Variants in WDR47 observed in about 807,000 individuals in gnomAD.
WDR47 encodes the protein WD repeat domain 47.
WDR47 carries 32 observed loss-of-function variants against 97.2 expected under a neutral mutation model. The ratio of observed to expected loss-of-function variants is 0.33; its 90% CI spans 0.25 to 0.44. WDR47 has a LOEUF of 0.44. Ranked by LOEUF, WDR47 falls within the 20% of genes least tolerant of loss-of-function variation. The probability of loss-of-function intolerance (pLI) is 1.00; values close to 1 mark genes in which losing one functional copy is unlikely to be tolerated. For synonymous variants in WDR47, 375 were observed against 373.5 expected, an observed-to-expected ratio of 1.00 and a Z score of -0.05; for missense variants, 782 against 1,102.3, an observed-to-expected ratio of 0.71 and a Z score of 4.11.
intron 13 of WDR47, among the ~76,000 whole-genome samples, chr1:108,981,107 G>A (rs576141375): frequency 6.7e-6 from 1 of 149,402 alleles, no homozygotes; most frequent in Non-Finnish European, 1.5e-5. Context: ...CAGCCTGGGC[G>A]ACAGTGTGAG....
chr1:108,989,438 C>T (rs1392123590), intron 9 of WDR47, among the ~76,000 whole-genome samples: 1 of 152,204 alleles, frequency 6.6e-6, no homozygotes, highest in Non-Finnish European at 1.5e-5. Flanking sequence ...TGATGTGTTA[C>T]GCTATGTATG....
chr1:108,979,241 AACAAAC>A (rs1658157300), intron 13 of WDR47, among the ~76,000 whole-genome samples: 1 of 152,254 alleles, frequency 6.6e-6, no homozygotes, highest in Admixed American at 6.5e-5. Flanking sequence ...TAAACAAACA[AACAAAC>A]ACAATTATTA....
chr1:109,022,607 C>T (rs1276624922), intron 2 of WDR47, among the ~76,000 whole-genome samples: 2 of 151,938 alleles, frequency 1.3e-5, no homozygotes, highest in Non-Finnish European at 1.5e-5. Context: ...ATTTTTGAGA[C>T]GGAGTCTCAC....
At chr1:109,020,866 T>A (rs1661785732) in intron 2 of WDR47, among the ~76,000 whole-genome samples, 1 of 149,532 alleles carries the variant, frequency 6.7e-6, no homozygotes, top group East Asian at 2.0e-4. Flanking sequence ...TGGTTCCTTT[T>A]CATAAGCTAG....
At chr1:109,014,964 C>T (rs1173558612) in intron 3 of WDR47, among the ~76,000 whole-genome samples, 2 of 151,974 alleles carry the variant, frequency 1.3e-5, no homozygotes, top group Non-Finnish European at 2.9e-5. Context: ...AGAGGGTCAC[C>T]TAATAAATTA....
Position 108,971,425 on chromosome 1 carries a change from G to A in WDR47, c.*5C>T. 6.2e-7 allele frequency: 1 copy of A among 1,613,998 alleles called. No individual in the cohort carries two copies. The highest frequency in any genetic ancestry group is 8.5e-7 in the Non-Finnish European group (1 of 1,179,948). On this transcript the variant is annotated 3_prime_UTR_variant, in exon 15 of 15. Transcript: ENST00000369962. Reference sequence around the variant, plus strand: ...TTTGCTGCATAGACTGACATGCGGTGTGCTCTACCCATTGTAAGTCCAGAG... The same window carrying A: ...TTTGCTGCATAGACTGACATGCGGTATGCTCTACCCATTGTAAGTCCAGAG...
chr1:109,015,209 C>G (rs1661329340), intron 3 of WDR47, among the ~76,000 whole-genome samples: 2 of 151,018 alleles, frequency 1.3e-5, no homozygotes, highest in South Asian at 2.1e-4. Context: ...AAAATAACAA[C>G]AGGTTCAACT....
chr1:109,040,455 G>A (rs1281284561), intron 1 of WDR47, among the ~76,000 whole-genome samples: 4 of 151,342 alleles, frequency 2.6e-5, no homozygotes, highest in Non-Finnish European at 4.4e-5. Context: ...TTTTTAAGGC[G>A]AGGGAGAAAA....
chr1:108,984,318 A>G (rs1342889774), intron 10 of WDR47, among the ~76,000 whole-genome samples: 1 of 152,226 alleles, frequency 6.6e-6, no homozygotes, highest in Non-Finnish European at 1.5e-5. Context: ...AATCAGGTAT[A>G]ATGATAAAAT....
chr1:108,986,208 A>AG (rs1183986729), intron 10 of WDR47, among the ~76,000 whole-genome samples: 5 of 152,188 alleles, frequency 3.3e-5, no homozygotes, highest in South Asian at 2.1e-4. Flanking sequence ...CTTGCAAATA[A>AG]GGGGGGTCTA....
intron 6 of WDR47, 133 bp downstream of exon 6, chr1:109,004,459 T>A: frequency 8.9e-7 from 1 of 1,123,706 alleles, no homozygotes; most frequent in East Asian, 2.9e-5. Context: ...GAAAATAAGC[T>A]AATAATAAGA....
chr1:108,981,453 A>T (rs1173977492), intron 13 of WDR47, among the ~76,000 whole-genome samples: 1 of 152,182 alleles, frequency 6.6e-6, no homozygotes, highest in Non-Finnish European at 1.5e-5. Context: ...CATGCATTTT[A>T]AAAAATGTTT....
At chr1:109,006,006 T>C (rs1336463349) in intron 5 of WDR47, among the ~76,000 whole-genome samples, 1 of 152,212 alleles carries the variant, frequency 6.6e-6, no homozygotes, top group East Asian at 1.9e-4. Context: ...GCCTAAATTA[T>C]CTTTATAAAA....
intron 8 of WDR47, 23 bp downstream of exon 8, chr1:108,995,556 AG>A (rs1158782053): frequency 6.2e-7 from 1 of 1,610,368 alleles, no homozygotes; most frequent in Non-Finnish European, 8.5e-7. Flanking sequence ...AATATTTCCA[AG>A]TTTTACAAAG....
At chr1:109,033,438 T>C (rs987635517) in intron 1 of WDR47, among the ~76,000 whole-genome samples, 4 of 152,126 alleles carry the variant, frequency 2.6e-5, no homozygotes, top group South Asian at 4.1e-4. Flanking sequence ...TGAATACCAA[T>C]ATATTTGTGA....
At chr1:109,020,833 C>T (rs1307413115) in intron 2 of WDR47, among the ~76,000 whole-genome samples, 1 of 151,392 alleles carries the variant, frequency 6.6e-6, no homozygotes, top group Non-Finnish European at 1.5e-5. Context: ...TTTGTTATTG[C>T]TGTTATTGTT....
At chr1:109,031,609 T>C (rs28416154) in intron 1 of WDR47, among the ~76,000 whole-genome samples, 6,284 of 138,174 alleles carry the variant, frequency 0.045, 1,182 homozygotes, top group African/African-American at 0.15. Flanking sequence ...TGGACAAATA[T>C]TACCTATTCA....
chr1:108,973,106 TCTC>T (rs895513557), intron 14 of WDR47, among the ~76,000 whole-genome samples: 2 of 152,100 alleles, frequency 1.3e-5, no homozygotes, highest in African/African-American at 2.4e-5. Flanking sequence ...GCTGTGCTCT[TCTC>T]CTAATATCCT....
At chr1:108,983,731 G>T (rs541865803) in intron 10 of WDR47, among the ~76,000 whole-genome samples, 32 of 151,160 alleles carry the variant, frequency 2.1e-4, no homozygotes, top group African/African-American at 7.8e-4. Flanking sequence ...ATTTTTCATG[G>T]ATTTTAAACT....
Sources: gnomAD v4.1 joint callset for allele counts (sites outside exome capture counted in the v4.1 genomes callset) on GRCh38, gnomAD v4.1.1 for gene constraint, MANE v1.5 for transcripts, NCBI Gene and HGNC (gene_info 2026-07-23, HGNC 2026-07-21) for gene names.